The following PCDHGB5 variants were observed in gnomAD, a reference collection of about 807,000 sequenced individuals.
The protein encoded by PCDHGB5 is protocadherin gamma subfamily B, 5.
Under a neutral mutation model 62.9 loss-of-function variants are expected in PCDHGB5, and 48 were observed. That is an observed-to-expected ratio of 0.76 (90% confidence interval 0.61 to 0.97). PCDHGB5 has a LOEUF of 0.97. PCDHGB5 is among the 50% of genes least tolerant of loss of function. The pLI is 0.00. For synonymous variants in PCDHGB5, 474 were observed against 511.2 expected (o/e 0.93, Z 0.98); for missense variants, 1,118 against 1,198.6 (o/e 0.93, Z 0.99).
intron 1 of PCDHGB5, chr5:141,427,685 C>T: frequency 1.2e-6 from 1 of 852,116 alleles, no homozygotes; most frequent in Non-Finnish European, 1.9e-6. Context: ...TTCCCGGAGC[C>T]TCCATCCCAC....
Position 141,399,559 on chromosome 5 carries a change from G to T in PCDHGB5, c.1432G>T (p.Gly478Trp), listed in dbSNP as rs1589373313. 6.2e-7 allele frequency: 1 copy of T among 1,614,038 alleles called. No individual in the cohort carries two copies. The highest frequency in any genetic ancestry group is 1.3e-5 in the African/African-American group (1 of 75,080). ...AQVCASDLDL[G>W]LNGQVSYSIM... ...AGTCTGCGCCTCGGACCTGGACTTGGGGTTGAACGGCCAAGTCTCCTACTC... is the reference window on the plus strand; with the variant it reads ...AGTCTGCGCCTCGGACCTGGACTTGTGGTTGAACGGCCAAGTCTCCTACTC... The change falls in exon 1 of 4, where the codon GGG (glycine) becomes TGG (tryptophan). Residue 478 changes from glycine to tryptophan, a missense_variant. By Grantham distance (184) the Gly-to-Trp change is radical. Transcript: ENST00000617380.
At chr5:141,510,272 TAA>T (rs546154379) in intron 3 of PCDHGB5, among the ~76,000 whole-genome samples, 46 of 130,286 alleles carry the variant, frequency 3.5e-4, no homozygotes, top group South Asian at 5.0e-4. Context: ...GACTCCATCT[TAA>T]AAAAAAAAAA....
intron 1 of PCDHGB5, chr5:141,405,569 A>G: frequency 1.7e-6 from 1 of 604,184 alleles, no homozygotes. Context: ...GGACTAGAGT[A>G]GAGTAGCTGG....
intron 1 of PCDHGB5, chr5:141,408,648 G>A: frequency 2.5e-6 from 4 of 1,613,922 alleles, no homozygotes; most frequent in South Asian, 2.2e-5. Flanking sequence ...GCATCCGCTG[G>A]TACACGACTA....
chr5:141,410,090 C>A (rs369832481), intron 1 of PCDHGB5: 51 of 1,612,358 alleles, frequency 3.2e-5, no homozygotes, highest in Middle Eastern at 1.7e-4. Context: ...GCGCACGGCT[C>A]GAGCCTTAGG....
rs774630488 is a variant in PCDHGB5 at position 141,490,640 on chromosome 5, G to A, written c.2398-4167G>A. On this transcript the variant is annotated intron_variant, in intron 1 of 3. Transcript: ENST00000617380. The surrounding 1 kb of genome is among the most constrained non-coding windows in gnomAD (Gnocchi z 5.4). Reference sequence around the variant, plus strand: ...TACACTGCTTACATCCTAGAAAACCGGCCTCCGGGCTCCCTTCTTTGCACT... The same window carrying A: ...TACACTGCTTACATCCTAGAAAACCAGCCTCCGGGCTCCCTTCTTTGCACT... 2.6e-5 allele frequency: 42 copies of A among 1,614,004 alleles called. No individual in the cohort carries two copies. The highest frequency in any genetic ancestry group is 1.6e-4 in the Middle Eastern group (1 of 6,084).
At chr5:141,427,857 G>A (rs746661329) in intron 1 of PCDHGB5, 36 of 1,554,574 alleles carry the variant, frequency 2.3e-5, no homozygotes, top group Non-Finnish European at 2.9e-5. Context: ...GCAGCTGTGC[G>A]CCTTCGAGCT....
rs1477077191 is a variant in PCDHGB5, at chr5:141,427,802, C to T, written c.2397+27278C>T. 7.3e-6 allele frequency: 11 copies of T among 1,510,148 alleles called. No individual in the cohort carries two copies. In the South Asian group the frequency reaches 9.0e-5, roughly 12 times the overall value. The allele number at this position is 1,510,148 out of a possible 1,614,324, so 93.5% of individuals were successfully genotyped here. A position where few individuals can be genotyped will look rare whatever the true frequency, so the allele number is the denominator to read the frequency against. On this transcript the variant is annotated intron_variant, in intron 1 of 3. Transcript: ENST00000617380. ...CACTGTCGTCCTACGTGTCCGTGAG[C>T]GCACAGAGCGGGGTGGTGGTCGCGC... is the stretch of plus-strand genomic sequence containing the variant.
At chr5:141,413,572 A>C in intron 1 of PCDHGB5, 2 of 1,613,890 alleles carry the variant, frequency 1.2e-6, no homozygotes, top group Non-Finnish European at 1.7e-6. Context: ...TATCAATGAC[A>C]ATGCTCCAAA....
chr5:141,410,508 G>T (rs752298772), intron 1 of PCDHGB5: 1 of 1,613,968 alleles, frequency 6.2e-7, no homozygotes, highest in South Asian at 1.1e-5. Context: ...TTCCTAAAAT[G>T]CAGTGTGCCC....
At chr5:141,461,830 CTT>C (rs1030113508) in intron 1 of PCDHGB5, among the ~76,000 whole-genome samples, 1 of 145,180 alleles carries the variant, frequency 6.9e-6, no homozygotes, top group Non-Finnish European at 1.5e-5. Context: ...ATTTTTTTTT[CTT>C]TTTTTTTTGA....
intron 3 of PCDHGB5, among the ~76,000 whole-genome samples, chr5:141,509,700 TGGA>T (rs1407159498): frequency 6.6e-6 from 1 of 152,192 alleles, no homozygotes; most frequent in East Asian, 1.9e-4. Flanking sequence ...GACGTTGGAC[TGGA>T]GGTGCTGTCT....
In PCDHGB5 at chr5:141,493,356, C is replaced by G. The variant is rs1303319550; in HGVS notation, c.2398-1451C>G. On this transcript the variant is annotated intron_variant, in intron 1 of 3. Transcript: ENST00000617380. The surrounding 1 kb of genome is among the most constrained non-coding windows in gnomAD (Gnocchi z 4.3). ...ACTCCAGAATGTGTGCTTTTAATTT[C>G]TTGGCACTTGGAACTTTAAAAGCTT... Among the ~76,000 whole-genome samples the G allele has an allele frequency of 6.6e-6, 1 of 152,182 alleles. No individual in the cohort carries two copies. The highest frequency in any genetic ancestry group is 1.5e-5 in the Non-Finnish European group (1 of 68,032).
chr5:141,404,970 C>A (rs1470955697), intron 1 of PCDHGB5: 1 of 1,613,940 alleles, frequency 6.2e-7, no homozygotes, highest in Non-Finnish European at 8.5e-7. Flanking sequence ...GACATCCTGG[C>A]TGACCTGGGC....
At chr5:141,480,703 C>G (rs577131684) in intron 1 of PCDHGB5, among the ~76,000 whole-genome samples, 1 of 152,134 alleles carries the variant, frequency 6.6e-6, no homozygotes, top group African/African-American at 2.4e-5. Context: ...GGCCACACCC[C>G]GACAAATGAA....
intron 1 of PCDHGB5, chr5:141,408,623 G>T: frequency 6.2e-7 from 1 of 1,614,004 alleles, no homozygotes; most frequent in Non-Finnish European, 8.5e-7. Context: ...AATACATTTA[G>T]AAATTTTCGA....
At chr5:141,462,539 T>G (rs2099042077) in intron 1 of PCDHGB5, among the ~76,000 whole-genome samples, 1 of 152,184 alleles carries the variant, frequency 6.6e-6, no homozygotes, top group African/African-American at 2.4e-5. Flanking sequence ...TTCAGTGATC[T>G]TTTCTTCTTC....
chr5:141,412,931 T>C (rs1010992022), intron 1 of PCDHGB5: 5 of 453,108 alleles, frequency 1.1e-5, no homozygotes, highest in African/African-American at 2.0e-5. Flanking sequence ...CAGTAACTTC[T>C]TAGGACTCTG....
chr5:141,494,926 G>T, intron 2 of PCDHGB5, 61 bp downstream of exon 2: 1 of 1,613,498 alleles, frequency 6.2e-7, no homozygotes, highest in Non-Finnish European at 8.5e-7. Flanking sequence ...GGATGACGTG[G>T]GAGGAGATGG....
Sources: gnomAD v4.1 joint callset for allele counts (sites outside exome capture counted in the v4.1 genomes callset) on GRCh38, gnomAD v4.1.1 for gene constraint, Gnocchi (gnomAD v3.1) non-coding constraint, MANE v1.5 for transcripts, NCBI Gene and HGNC (gene_info 2026-07-23, HGNC 2026-07-21) for gene names.